TMEM132D: variants seen among roughly 807,000 people sequenced by gnomAD.
The protein encoded by TMEM132D is transmembrane protein 132D, also known as mature OL transmembrane protein.
Under a neutral mutation model 62.3 loss-of-function variants are expected in TMEM132D, and 21 were observed. That is an observed-to-expected ratio of 0.34 (90% CI 0.24 to 0.49). TMEM132D has a LOEUF of 0.49. Ranked by LOEUF, TMEM132D falls within the 20% of genes least tolerant of loss-of-function variation. The probability of loss-of-function intolerance (pLI) is 0.99; values close to 1 mark genes in which losing one functional copy is unlikely to be tolerated. For missense variants in TMEM132D, 1,346 were observed against 1,402.8 expected (o/e 0.96, Z 0.65); for synonymous variants, 621 against 575.6 (o/e 1.08, Z -1.13).
chr12:129,464,224 A>G (rs2137041708), intron 3 of TMEM132D, among the ~76,000 whole-genome samples: 1 of 152,278 alleles, frequency 6.6e-6, no homozygotes, highest in Admixed American at 6.5e-5. Flanking sequence ...TCTGATGGCC[A>G]GTGATGATGA....
At chr12:129,516,593 C>T (rs974431392) in intron 3 of TMEM132D, among the ~76,000 whole-genome samples, 1 of 152,076 alleles carries the variant, frequency 6.6e-6, no homozygotes, top group African/African-American at 2.4e-5. Flanking sequence ...AGGAAACTGC[C>T]CCCATGATTC....
At position 129,074,537 on chromosome 12, in the gene TMEM132D, T is replaced by C. The variant is rs202155136; in HGVS notation, c.2638A>G (p.Thr880Ala). Reference protein sequence around the residue: ...SLLDDNSHLQTIPSDLTSFPA... With the variant: ...SLLDDNSHLQAIPSDLTSFPA... ...AAGCTGGTGAGGTCGCTGGGGATGGTCTGCAAGTGGCTGTTGTCATCTAAA... is the reference window on the plus strand; with the variant it reads ...AAGCTGGTGAGGTCGCTGGGGATGGCCTGCAAGTGGCTGTTGTCATCTAAA... Residue 880 changes from threonine (T) to alanine (A), a missense_variant, in exon 9 of 9, where the codon ACC becomes GCC. Transcript: ENST00000422113. 1 of 1,614,084 alleles carries C rather than the reference T, an allele frequency of 6.2e-7. No individual in the cohort carries two copies. Among genetic ancestry groups the C allele is most frequent in the Non-Finnish European group, 8.5e-7 (1 of 1,180,018 alleles).
chr12:129,596,940 G>A (rs1232950410), intron 2 of TMEM132D, among the ~76,000 whole-genome samples: 1 of 152,138 alleles, frequency 6.6e-6, no homozygotes, highest in Non-Finnish European at 1.5e-5. Context: ...TAAGGCATTT[G>A]ATGATGTGAA....
chr12:129,552,644 C>G (rs1195200191), intron 2 of TMEM132D, among the ~76,000 whole-genome samples: 1 of 152,150 alleles, frequency 6.6e-6, no homozygotes, highest in African/African-American at 2.4e-5. Context: ...TACCTATCTA[C>G]ATAGCATCTA....
chr12:129,833,971 A>G (rs1872923625), intron 1 of TMEM132D, among the ~76,000 whole-genome samples: 1 of 152,118 alleles, frequency 6.6e-6, no homozygotes, highest in Admixed American at 6.5e-5. Context: ...TGCTCTCCAC[A>G]AGATTCTGAC....
Position 129,708,633 on chromosome 12 carries a change from ACACACAC to A in TMEM132D, c.80-7942_80-7936del, listed in dbSNP as rs1565957213. Reference sequence around the variant, plus strand: ...GGTAAAAAAAAAAAAAAAAAAAAACACACACACACACACACACACACACAGTGCACTC... The same window carrying A: ...GGTAAAAAAAAAAAAAAAAAAAAACAACACACACACACACACAGTGCACTC... On this transcript the variant is annotated intron_variant, in intron 1 of 8. Coordinates refer to ENST00000422113, the MANE Select transcript of TMEM132D (RefSeq NM_133448.3). Among the ~76,000 whole-genome samples the A allele has an allele frequency of 5.7e-4, 50 of 87,088 alleles. 1 individual carries two copies. The South Asian group carries it at 6.0e-3, about 10-fold the overall frequency. The allele number at this position is 87,088 out of a possible 152,430, so 57.1% of individuals were successfully genotyped here. A position where few individuals can be genotyped will look rare whatever the true frequency, so the allele number is the denominator to read the frequency against.
At chr12:129,134,993 A>G (rs1049059766) in intron 5 of TMEM132D, among the ~76,000 whole-genome samples, 9 of 152,186 alleles carry the variant, frequency 5.9e-5, no homozygotes, top group Non-Finnish European at 1.0e-4. Flanking sequence ...TATTATTTCA[A>G]ACTTAAGTCT....
intron 2 of TMEM132D, chr12:129,698,054 G>A (rs1161009388): frequency 2.0e-5 from 3 of 152,146 alleles, no homozygotes; most frequent in African/African-American, 7.2e-5. Flanking sequence ...AACGGTGTAA[G>A]ATCAAAGCTC....
chr12:129,470,574 C>T (rs1217096753), intron 3 of TMEM132D, among the ~76,000 whole-genome samples: 1 of 152,164 alleles, frequency 6.6e-6, no homozygotes, highest in Non-Finnish European at 1.5e-5. Flanking sequence ...GCTGCTTGCA[C>T]AAATAAAGTG....
chr12:129,482,070 G>T (rs1874444746), intron 3 of TMEM132D, among the ~76,000 whole-genome samples: 1 of 152,194 alleles, frequency 6.6e-6, no homozygotes. Context: ...GTAGAACAGA[G>T]GTACCCAGCT....
chr12:129,482,186 G>A (rs1195782336), intron 3 of TMEM132D, among the ~76,000 whole-genome samples: 1 of 152,182 alleles, frequency 6.6e-6, no homozygotes, highest in Non-Finnish European at 1.5e-5. Flanking sequence ...CATGGAGTAC[G>A]GCCAAGCCAT....
At chr12:129,462,437 C>T (rs1019066255) in intron 3 of TMEM132D, among the ~76,000 whole-genome samples, 2 of 151,888 alleles carry the variant, frequency 1.3e-5, no homozygotes, top group Admixed American at 6.6e-5. Flanking sequence ...AATAGTATTA[C>T]AGACAAAAAA....
chr12:129,893,207 A>G (rs1293979375), intron 1 of TMEM132D, among the ~76,000 whole-genome samples: 1 of 152,070 alleles, frequency 6.6e-6, no homozygotes, highest in East Asian at 1.9e-4. Flanking sequence ...TGGGCTAGTT[A>G]TTTCAGATTC....
intron 4 of TMEM132D, among the ~76,000 whole-genome samples, chr12:129,261,593 T>A (rs141071730): frequency 6.6e-6 from 1 of 152,150 alleles, no homozygotes; most frequent in Admixed American, 6.5e-5. Context: ...ACTGGATGAT[T>A]TGAACAACAG....
intron 2 of TMEM132D, among the ~76,000 whole-genome samples, chr12:129,544,158 A>G (rs1301760434): frequency 6.6e-6 from 1 of 152,168 alleles, no homozygotes; most frequent in African/African-American, 2.4e-5. Flanking sequence ...TCTGATGAAC[A>G]CAGTATTTCA....
At chr12:129,800,994 T>C (rs75187710) in intron 1 of TMEM132D, among the ~76,000 whole-genome samples, 1 of 151,954 alleles carries the variant, frequency 6.6e-6, no homozygotes, top group African/African-American at 2.4e-5. Flanking sequence ...ACCCGAATAC[T>C]GCGCTTTTCT....
intron 5 of TMEM132D, among the ~76,000 whole-genome samples, chr12:129,200,970 T>G (rs991125879): frequency 6.6e-6 from 1 of 152,160 alleles, no homozygotes; most frequent in Non-Finnish European, 1.5e-5. Flanking sequence ...TGATCCACCT[T>G]AGGAGAATGT....
At chr12:129,672,431 G>A (rs959377838) in intron 2 of TMEM132D, among the ~76,000 whole-genome samples, 1 of 152,200 alleles carries the variant, frequency 6.6e-6, no homozygotes, top group African/African-American at 2.4e-5. Flanking sequence ...TGCCCAACAA[G>A]TGTACATTTA....
chr12:129,301,429 C>T (rs1425378898), intron 4 of TMEM132D, among the ~76,000 whole-genome samples: 1 of 152,024 alleles, frequency 6.6e-6, no homozygotes, highest in African/African-American at 2.4e-5. Flanking sequence ...AACCAAGATG[C>T]CATTAGCAAT....
Sources: gnomAD v4.1 joint callset for allele counts (sites outside exome capture counted in the v4.1 genomes callset) on GRCh38, gnomAD v4.1.1 for gene constraint, MANE v1.5 for transcripts, NCBI Gene and HGNC (gene_info 2026-07-23, HGNC 2026-07-21) for gene names.